FAM89A: variants seen among roughly 807,000 people sequenced by gnomAD.
FAM89A encodes family with sequence similarity 89 member A.
In FAM89A, 10 loss-of-function variants were observed where a neutral mutation model predicts 7.1. The ratio of observed to expected loss-of-function variants is 1.40; its 90% confidence interval spans 0.86 to 2.38. FAM89A has a LOEUF of 2.38. Ranked by LOEUF, FAM89A falls within the 30% of genes most tolerant of loss-of-function variation. The pLI is 0.00. For synonymous variants in FAM89A, 157 were observed against 129.3 expected, an observed-to-expected ratio of 1.21 and a Z score of -1.45; for missense variants, 276 against 262.8, an observed-to-expected ratio of 1.05 and a Z score of -0.35.
intron 1 of FAM89A, among the ~76,000 whole-genome samples, chr1:231,029,446 C>T (rs1011473442): frequency 1.3e-5 from 2 of 151,664 alleles, no homozygotes; most frequent in Admixed American, 1.3e-4. Context: ...GCGCTGTGAT[C>T]GCACCACTGC....
chr1:231,039,870 G>C (rs995326618), intron 1 of FAM89A, 51 bp downstream of exon 1: 2 of 1,273,854 alleles, frequency 1.6e-6, no homozygotes, highest in Admixed American at 4.2e-5. Flanking sequence ...GAACTTTCCC[G>C]GGACGGCGAG....
intron 1 of FAM89A, among the ~76,000 whole-genome samples, chr1:231,036,910 GTGAT>G (rs111261675): frequency 0.019 from 2,889 of 152,300 alleles, 87 homozygotes; most frequent in African/African-American, 0.064. Flanking sequence ...CACTTTACCA[GTGAT>G]TGATTATTAA....
intron 1 of FAM89A, among the ~76,000 whole-genome samples, chr1:231,036,684 T>C (rs1680160823): frequency 6.6e-6 from 1 of 152,050 alleles, no homozygotes; most frequent in African/African-American, 2.4e-5. Context: ...GCCTCCACCC[T>C]CGGCATCCGA....
Position 231,020,043 on chromosome 1 carries a change from G to A in FAM89A, c.375C>T (p.Cys125=), listed in dbSNP as rs756118373. ...TGCAGTCTGGGCTGGAGGCTGCCTG[G>A]CATGCCCCCTTGTACTCCTGAATCG... ...YESIQEYKGA[C]QAASSPDCTY... is the part of the protein sequence containing the mutation. The change falls in exon 2 of 2, where the codon TGC becomes TGT. Residue 125 remains cysteine (C), a synonymous_variant. Transcript: ENST00000366654. 6.2e-7 allele frequency: 1 copy of A among 1,613,958 alleles called. No homozygotes were observed. The highest frequency in any genetic ancestry group is 8.5e-7 in the Non-Finnish European group (1 of 1,180,026).
At position 231,040,000 on chromosome 1, in the gene FAM89A, C is replaced by G; in HGVS notation, c.212G>C (p.Gly71Ala). ...CAGCGCTGCCGCCCGGGCCCCGCCG[C>G]CGCCCGGGCCCCCGCGGCTCAGCTC... The part of the protein sequence containing the change: ...QDELSRGGPG[G>A]GGARAAALPA... The change falls in exon 1 of 2, where the codon GGC becomes GCC. Residue 71 changes from glycine (G) to alanine (A), a missense_variant. By Grantham distance (60) the Gly-to-Ala change is moderately conservative (BLOSUM62 0). Transcript: ENST00000366654. 2 of 1,393,908 alleles carry G rather than the reference C, an allele frequency of 1.4e-6. No individual in the cohort carries two copies. The highest frequency in any genetic ancestry group is 1.9e-6 in the Non-Finnish European group (2 of 1,080,920). 86.3% of individuals were successfully genotyped at this position (1,393,908 alleles called of 1,614,324 possible).
intron 1 of FAM89A, among the ~76,000 whole-genome samples, chr1:231,038,398 C>A (rs762231697): frequency 2.0e-5 from 3 of 152,200 alleles, no homozygotes; most frequent in African/African-American, 7.2e-5. Context: ...CACAGCTTCA[C>A]AACAGGAGCG....
intron 1 of FAM89A, among the ~76,000 whole-genome samples, chr1:231,036,521 G>A (rs1487205657): frequency 6.6e-6 from 1 of 152,066 alleles, no homozygotes; most frequent in Admixed American, 6.5e-5. Context: ...TTCTGGGGAG[G>A]GGACGAGGAC....
chr1:231,032,099 T>C (rs532887447), intron 1 of FAM89A, among the ~76,000 whole-genome samples: 1 of 152,366 alleles, frequency 6.6e-6, no homozygotes, highest in African/African-American at 2.4e-5. Context: ...AATAATTTTA[T>C]GTCTGTATTG....
At chr1:231,023,627 A>G (rs988295253) in intron 1 of FAM89A, among the ~76,000 whole-genome samples, 2 of 152,232 alleles carry the variant, frequency 1.3e-5, no homozygotes, top group Admixed American at 1.3e-4. Flanking sequence ...GGGCTGAAGG[A>G]GTGTCCCTCC....
At chr1:231,021,841 GA>G in intron 1 of FAM89A, 1 of 1,598,654 alleles carries the variant, frequency 6.3e-7, no homozygotes, top group Non-Finnish European at 8.6e-7. Context: ...GAAGACCAAG[GA>G]GGAATGCTAG....
chr1:231,032,044 C>A (rs11122195), intron 1 of FAM89A, among the ~76,000 whole-genome samples: 1 of 151,826 alleles, frequency 6.6e-6, no homozygotes, highest in African/African-American at 2.4e-5. Context: ...GGAAGAAAGA[C>A]GTTTACCAAT....
At chr1:231,039,857 C>G in intron 1 of FAM89A, 64 bp downstream of exon 1, 1 of 1,268,348 alleles carries the variant, frequency 7.9e-7, no homozygotes, top group Non-Finnish European at 9.9e-7. Flanking sequence ...GCGCGGTCCC[C>G]GCGAACTTTC....
chr1:231,021,652 A>T, intron 1 of FAM89A: 1 of 1,556,128 alleles, frequency 6.4e-7, no homozygotes, highest in Non-Finnish European at 8.9e-7. Flanking sequence ...TAAATTCTAG[A>T]CAAGCCCAGA....
chr1:231,038,644 A>C (rs1382798343), intron 1 of FAM89A, among the ~76,000 whole-genome samples: 1 of 152,248 alleles, frequency 6.6e-6, no homozygotes, highest in Non-Finnish European at 1.5e-5. Context: ...AGAAGCTTAG[A>C]AAATCTTTTC....
At chr1:231,026,071 T>TA (rs35151430) in intron 1 of FAM89A, 37,347 of 138,510 alleles carry the variant, frequency 0.27, 5,432 homozygotes, top group Non-Finnish European at 0.34. Context: ...GCTCAGCTCC[T>TA]AAAAAAAAAA....
chr1:231,038,780 T>TG (rs1680200348), intron 1 of FAM89A, among the ~76,000 whole-genome samples: 2 of 146,438 alleles, frequency 1.4e-5, no homozygotes, highest in African/African-American at 5.3e-5. Flanking sequence ...ATAATGCTCC[T>TG]GAAAAAAAAG....
intron 1 of FAM89A, among the ~76,000 whole-genome samples, chr1:231,038,424 T>G (rs1275375915): frequency 6.6e-6 from 1 of 152,242 alleles, no homozygotes; most frequent in East Asian, 1.9e-4. Flanking sequence ...GAGGTTTTTC[T>G]ATCTCTTGCT....
In FAM89A at chr1:231,020,096, G is replaced by A. The variant is rs1174090118; in HGVS notation, c.322C>T (p.Leu108Phe). The A allele has an allele frequency of 6.2e-7, 1 of 1,613,004 alleles. No individual in the cohort carries two copies. Among genetic ancestry groups the A allele is most frequent in the Non-Finnish European group, 8.5e-7 (1 of 1,179,364 alleles). ...TCGTAGAGGCTGTACAGTTGGCAGA[G>A]CAAGGACATGTCCAGCTGGCGGAGA... ...VGLRQLDMSLLCQLYSLYESI... is the reference protein window; with the variant it reads ...VGLRQLDMSLFCQLYSLYESI... The change falls in exon 2 of 2, where the codon CTC (leucine) becomes TTC (phenylalanine). Residue 108 changes from leucine (L) to phenylalanine (F), a missense_variant. Physicochemically the swap from Leu to Phe is conservative, Grantham distance 22. Coordinates refer to ENST00000366654, the MANE Select transcript of FAM89A (RefSeq NM_198552.3).
rs145168247 is a variant in FAM89A at position 231,036,168 on chromosome 1, T to C, written c.291+3753A>G. Among the ~76,000 whole-genome samples, 58 of 152,338 alleles carry C rather than the reference T, an allele frequency of 3.8e-4. 1 individual carries two copies. The highest frequency in any genetic ancestry group is 1.3e-3 in the African/African-American group (55 of 41,584). On this transcript the variant is annotated intron_variant, in intron 1 of 1. Coordinates refer to ENST00000366654, the MANE Select transcript of FAM89A (RefSeq NM_198552.3). ...CTCTGTATACATCCAGTCTATAAGA[T>C]TGTCCTTTTGAAAAAGCTAGTTCAA... is the stretch of plus-strand genomic sequence containing the variant.
Sources: allele counts gnomAD v4.1 joint callset (sites outside exome capture counted in the v4.1 genomes callset), GRCh38; gene constraint gnomAD v4.1.1; transcripts MANE v1.5; gene names NCBI Gene and HGNC (gene_info 2026-07-23, HGNC 2026-07-21).